The following TIMP2 variants were observed in gnomAD, a reference collection of about 807,000 sequenced individuals.
TIMP2 encodes TIMP metallopeptidase inhibitor 2.
A neutral mutation model predicts 24.3 loss-of-function variants in TIMP2; 5 were observed. That is an observed-to-expected ratio of 0.21 (90% CI 0.11 to 0.43). The LOEUF is 0.43. Ranked by LOEUF, TIMP2 falls within the 20% of genes least tolerant of loss-of-function variation. The probability of loss-of-function intolerance (pLI) is 1.00; values close to 1 mark genes in which losing one functional copy is unlikely to be tolerated. For synonymous variants in TIMP2, 130 were observed against 123.2 expected, an observed-to-expected ratio of 1.06 and a Z score of -0.37; for missense variants, 221 against 297.5, an observed-to-expected ratio of 0.74 and a Z score of 1.89.
chr17:78,868,976 A>G (rs2069643285), intron 3 of TIMP2, among the ~76,000 whole-genome samples: 2 of 152,334 alleles, frequency 1.3e-5, no homozygotes, highest in Admixed American at 1.3e-4. Context: ...CCTATAATGC[A>G]TAAGGTAGGC....
chr17:78,890,466 A>T, intron 1 of TIMP2: 1 of 732,872 alleles, frequency 1.4e-6, no homozygotes. Flanking sequence ...TCGGCCTCCC[A>T]AAGTGCTGGG....
intron 2 of TIMP2, 82 bp downstream of exon 2, chr17:78,873,737 C>T: frequency 1.7e-6 from 2 of 1,174,474 alleles, no homozygotes; most frequent in South Asian, 1.3e-5. Flanking sequence ...GATCGTGTTC[C>T]AGGGACCCAG....
At chr17:78,911,907 A>AT (rs1244618645) in intron 1 of TIMP2, among the ~76,000 whole-genome samples, 1 of 149,160 alleles carries the variant, frequency 6.7e-6, no homozygotes, top group Non-Finnish European at 1.5e-5. Context: ...AAAAAAAAAA[A>AT]AAAAAATTGA....
rs2070342737 is a variant in TIMP2, at chr17:78,925,291, G to A, written c.-203C>T. 6.7e-6 allele frequency: 1 copy of A among 149,652 alleles called. No individual in the cohort carries two copies. The highest frequency in any genetic ancestry group is 1.5e-5 in the Non-Finnish European group (1 of 66,652). 9.3% of individuals were successfully genotyped at this position (149,652 alleles called of 1,614,324 possible). A position where few individuals can be genotyped will look rare whatever the true frequency, so the allele number is the denominator to read the frequency against. On this transcript the variant is annotated 5_prime_UTR_variant, in exon 1 of 5. Coordinates refer to ENST00000262768, the MANE Select transcript of TIMP2 (RefSeq NM_003255.5). Reference sequence around the variant, plus strand: ...CGGGGGCGCGAGGGGAGGGGCGCGGGGCGCAATTCGCCGGGCGGGGCGGCG... The same window carrying A: ...CGGGGGCGCGAGGGGAGGGGCGCGGAGCGCAATTCGCCGGGCGGGGCGGCG...
rs1214022771 is a variant in TIMP2 at position 78,855,594 on chromosome 17, A to G, written c.*73T>C. On this transcript the variant is annotated 3_prime_UTR_variant, in exon 5 of 5. Transcript: ENST00000262768. This position sits in a 1 kb window ranked among gnomAD's most constrained non-coding sequence, Gnocchi z 6.0. Reference sequence around the variant, plus strand: ...TTATTCATGCTGTTTCCAGGAAGGGATGTCAGAGCTGGACCAGTCGAAACC... The same window carrying G: ...TTATTCATGCTGTTTCCAGGAAGGGGTGTCAGAGCTGGACCAGTCGAAACC... 3 of 1,509,986 alleles carry G rather than the reference A, an allele frequency of 2.0e-6. No individual in the cohort carries two copies. The highest frequency in any genetic ancestry group is 2.7e-6 in the Non-Finnish European group (3 of 1,105,196). The allele number at this position is 1,509,986 out of a possible 1,614,324, so 93.5% of individuals were successfully genotyped here. A position where few individuals can be genotyped will look rare whatever the true frequency, so the allele number is the denominator to read the frequency against.
intron 1 of TIMP2, among the ~76,000 whole-genome samples, chr17:78,881,046 A>C (rs1353415520): frequency 6.6e-6 from 1 of 152,250 alleles, no homozygotes; most frequent in African/African-American, 2.4e-5. Context: ...CTGTCTGCCC[A>C]GACGAGGTGC....
intron 1 of TIMP2, among the ~76,000 whole-genome samples, chr17:78,876,636 C>T (rs1320035059): frequency 1.3e-5 from 2 of 152,190 alleles, no homozygotes; most frequent in African/African-American, 4.8e-5. Context: ...CCTGCCTCAG[C>T]CTCCTGAGTA....
chr17:78,887,644 C>T (rs1489902651), intron 1 of TIMP2, among the ~76,000 whole-genome samples: 1 of 151,650 alleles, frequency 6.6e-6, no homozygotes, highest in Non-Finnish European at 1.5e-5. Context: ...CTCGGCCTCT[C>T]ACAGTGCTGG....
intron 1 of TIMP2, among the ~76,000 whole-genome samples, chr17:78,923,630 C>A (rs952201998): frequency 6.6e-6 from 1 of 152,062 alleles, no homozygotes; most frequent in African/African-American, 2.4e-5. Context: ...TGCTGAGCAC[C>A]AAGGCTAAAC....
intron 1 of TIMP2, among the ~76,000 whole-genome samples, chr17:78,923,396 TGGGGGGGG>T (rs1255104339): frequency 2.1e-5 from 1 of 47,662 alleles, no homozygotes; most frequent in Non-Finnish European, 3.9e-5. Context: ...TGGGGCGGGG[TGGGGGGGG>T]GGGCGGGAGG....
chr17:78,890,534 T>C, intron 1 of TIMP2: 1 of 1,287,520 alleles, frequency 7.8e-7, no homozygotes, highest in Non-Finnish European at 1.1e-6. Context: ...AGAGGCCTAA[T>C]AGTCTCTGAG....
intron 3 of TIMP2, among the ~76,000 whole-genome samples, chr17:78,866,144 G>C (rs534891989): frequency 6.6e-6 from 1 of 152,168 alleles, no homozygotes; most frequent in Non-Finnish European, 1.5e-5. Flanking sequence ...ATACAGGAAA[G>C]AACTGAAAAG....
At chr17:78,913,874 G>A (rs1044190660) in intron 1 of TIMP2, among the ~76,000 whole-genome samples, 13 of 141,306 alleles carry the variant, frequency 9.2e-5, no homozygotes, top group Non-Finnish European at 1.7e-4. Flanking sequence ...CCTGGGCCAC[G>A]GAGCGAAACT....
chr17:78,921,696 G>A (rs1043492040), intron 1 of TIMP2, among the ~76,000 whole-genome samples: 5 of 152,186 alleles, frequency 3.3e-5, no homozygotes, highest in South Asian at 2.1e-4. Flanking sequence ...AATGCTTCCC[G>A]TTTGTGCTGG....
chr17:78,860,647 C>A (rs1243471956), intron 3 of TIMP2, among the ~76,000 whole-genome samples: 2 of 152,192 alleles, frequency 1.3e-5, no homozygotes, highest in African/African-American at 4.8e-5. Flanking sequence ...ATGTGACATT[C>A]CAGGTGAGGA....
intron 1 of TIMP2, among the ~76,000 whole-genome samples, chr17:78,879,239 G>A (rs2069756773): frequency 6.6e-6 from 1 of 152,224 alleles, no homozygotes; most frequent in Admixed American, 6.5e-5. Flanking sequence ...GCCCAGTGGT[G>A]GACAGAGGAG....
At position 78,870,999 on chromosome 17, in the gene TIMP2, T is replaced by C; in HGVS notation, c.239A>G (p.Lys80Arg). 6.2e-7 allele frequency: 1 copy of C among 1,611,220 alleles called. No individual in the cohort carries two copies. Among genetic ancestry groups the C allele is most frequent in the South Asian group, 1.1e-5 (1 of 90,468 alleles). The change falls in exon 3 of 5, where the codon AAA becomes AGA. Residue 80 changes from lysine (K) to arginine (R), a missense_variant. Transcript: ENST00000262768. ...QYEIKQIKMF[K>R]GPEKDIEFIY... ...AAACTCTATATCCTTCTCAGGCCCTTTGAACATCTGGAAAGACAAGGAGGA... is the reference window on the plus strand; with the variant it reads ...AAACTCTATATCCTTCTCAGGCCCTCTGAACATCTGGAAAGACAAGGAGGA...
chr17:78,868,737 G>A (rs1442408568), intron 3 of TIMP2, among the ~76,000 whole-genome samples: 1 of 152,110 alleles, frequency 6.6e-6, no homozygotes, highest in East Asian at 1.9e-4. Context: ...CTCCTCGGCT[G>A]CACTAGCCAT....
chr17:78,902,605 CA>C (rs2070112104), intron 1 of TIMP2: 1 of 152,454 alleles, frequency 6.6e-6, no homozygotes, highest in South Asian at 2.1e-4. Flanking sequence ...CCTCTGGGGG[CA>C]AGCTCGGGCT....
Sources: allele counts gnomAD v4.1 joint callset (sites outside exome capture counted in the v4.1 genomes callset), GRCh38; gene constraint gnomAD v4.1.1; non-coding constraint Gnocchi (gnomAD v3.1); transcripts MANE v1.5; gene names NCBI Gene and HGNC (gene_info 2026-07-23, HGNC 2026-07-21).